ENTPD7: variants seen among roughly 807,000 people sequenced by gnomAD.
ENTPD7 encodes the protein ectonucleoside triphosphate diphosphohydrolase 7, also known as NTPDase 7.
A neutral mutation model predicts 77.9 loss-of-function variants in ENTPD7; 53 were observed. The ratio of observed to expected loss-of-function variants is 0.68; its 90% confidence interval spans 0.55 to 0.85. The LOEUF is 0.85. Ranked by LOEUF, ENTPD7 falls within the 40% of genes least tolerant of loss-of-function variation. ENTPD7 has a pLI of 0.00. For missense variants in ENTPD7, 636 were observed against 743.7 expected, an observed-to-expected ratio of 0.86 and a Z score of 1.68; for synonymous variants, 248 against 274.9, an observed-to-expected ratio of 0.90 and a Z score of 0.97.
chr10:99,663,159 G>C (rs2133436334), intron 3 of ENTPD7, among the ~76,000 whole-genome samples: 1 of 152,294 alleles, frequency 6.6e-6, no homozygotes, highest in South Asian at 2.1e-4. Flanking sequence ...AGTATGCGGT[G>C]ATAAATTCTT....
At position 99,710,527 on chromosome 10, in the gene ENTPD7, A is replaced by G; in HGVS notation, c.*5844A>G. 1.0e-6 allele frequency: 1 copy of G among 985,420 alleles called. No individual in the cohort carries two copies. The highest frequency in any genetic ancestry group is 1.1e-4 in the East Asian group (1 of 8,820). 61.0% of individuals were successfully genotyped at this position (985,420 alleles called of 1,614,324 possible). Reference sequence around the variant, plus strand: ...AAGACTCTGTTTTTTCTACTGCTTCACATTAAACAATAATTTTGTTGAATT... The same window carrying G: ...AAGACTCTGTTTTTTCTACTGCTTCGCATTAAACAATAATTTTGTTGAATT... On this transcript the variant is annotated 3_prime_UTR_variant, in exon 13 of 13. Transcript: ENST00000370489.
rs1590043614 is a variant in ENTPD7, at chr10:99,679,528, A to C, written c.397+62A>C. On this transcript the variant is annotated intron_variant, in intron 4 of 12. Coordinates refer to ENST00000370489, the MANE Select transcript of ENTPD7 (RefSeq NM_020354.5). ...TAAGGCATGAAAGAGGAGACAAAAG[A>C]AGCAGAAAGCAAGCTACCCCTTTCT... is the stretch of plus-strand genomic sequence containing the variant. 56 of 1,517,368 alleles carry C rather than the reference A, an allele frequency of 3.7e-5. No individual in the cohort carries two copies. The South Asian group carries it at 5.0e-4, about 14-fold the overall frequency. The allele number at this position is 1,517,368 out of a possible 1,614,324, so 94.0% of individuals were successfully genotyped here. A position where few individuals can be genotyped will look rare whatever the true frequency, so the allele number is the denominator to read the frequency against.
chr10:99,672,848 G>A (rs1042949751), intron 3 of ENTPD7, among the ~76,000 whole-genome samples: 3 of 152,108 alleles, frequency 2.0e-5, no homozygotes, highest in South Asian at 4.1e-4. Context: ...CATACTCATG[G>A]GGGCTACTTC....
intron 8 of ENTPD7, among the ~76,000 whole-genome samples, chr10:99,694,071 C>A (rs2035928591): frequency 6.6e-6 from 1 of 152,124 alleles, no homozygotes; most frequent in Non-Finnish European, 1.5e-5. Context: ...GTACAACTCA[C>A]AAAGTTATGT....
chr10:99,702,354 T>G (rs1245768358), intron 11 of ENTPD7, among the ~76,000 whole-genome samples, 158 bp from the exon 12 acceptor site: 1 of 152,166 alleles, frequency 6.6e-6, no homozygotes, highest in Non-Finnish European at 1.5e-5. Flanking sequence ...ACAAGATAAG[T>G]AGGCTGACTT....
At chr10:99,697,878 C>A (rs890432119) in intron 9 of ENTPD7, 2 of 153,600 alleles carry the variant, frequency 1.3e-5, no homozygotes, top group African/African-American at 4.8e-5. Context: ...TCATACTCAT[C>A]ATTTTGAGGA....
In ENTPD7 at chr10:99,692,997, G is replaced by A. The variant is rs114666393; in HGVS notation, c.843+1479G>A. Among the ~76,000 whole-genome samples the A allele has an allele frequency of 6.5e-3, 993 of 152,242 alleles. 15 individuals are homozygous for A. Among genetic ancestry groups the A allele is most frequent in the African/African-American group, 0.023 (949 of 41,526 alleles). ...GTAATAAAGGGCTGAGTTAGACAAAGTAAGTGGAAATGAAAGGGAGGGGAC... is the reference window on the plus strand; with the variant it reads ...GTAATAAAGGGCTGAGTTAGACAAAATAAGTGGAAATGAAAGGGAGGGGAC... On this transcript the variant is annotated intron_variant, in intron 8 of 12. Transcript: ENST00000370489.
chr10:99,709,493 A>C lies in ENTPD7; in HGVS notation c.*4810A>C. 5 of 985,114 alleles carry C rather than the reference A, an allele frequency of 5.1e-6. No individual in the cohort carries two copies. Among genetic ancestry groups the C allele is most frequent in the Non-Finnish European group, 6.0e-6 (5 of 829,618 alleles). 61.0% of individuals were successfully genotyped at this position (985,114 alleles called of 1,614,324 possible). A position where few individuals can be genotyped will look rare whatever the true frequency, so the allele number is the denominator to read the frequency against. On this transcript the variant is annotated 3_prime_UTR_variant, in exon 13 of 13. Transcript: ENST00000370489. Reference sequence around the variant, plus strand: ...AAAATATTGCTGTTAAAAAACTAAGACTCAAAACCAAAAGTTGTGATTAAT... The same window carrying C: ...AAAATATTGCTGTTAAAAAACTAAGCCTCAAAACCAAAAGTTGTGATTAAT...
chr10:99,661,241 T>C lies in ENTPD7; in HGVS notation c.9-205T>C, dbSNP rs2035482292. 2.0e-5 allele frequency among the ~76,000 whole-genome samples: 3 copies of C among 152,148 alleles called. No homozygotes were observed. In the South Asian group the frequency reaches 6.2e-4, roughly 32 times the overall value. Reference sequence around the variant, plus strand: ...TTTGAATTGCACTCAAAGTGCAGTTTGGAAAAAGGGCAGATAAGGCTTTTC... The same window carrying C: ...TTTGAATTGCACTCAAAGTGCAGTTCGGAAAAAGGGCAGATAAGGCTTTTC... On this transcript the variant is annotated intron_variant, in intron 2 of 12. Coordinates refer to ENST00000370489, the MANE Select transcript of ENTPD7 (RefSeq NM_020354.5).
At chr10:99,690,995 CTTTTT>C (rs575922825) in intron 7 of ENTPD7, among the ~76,000 whole-genome samples, 1 of 151,902 alleles carries the variant, frequency 6.6e-6, no homozygotes, top group South Asian at 2.1e-4. Flanking sequence ...TGTTTGCTTT[CTTTTT>C]TTTATTTTGA....
At chr10:99,686,532 G>A (rs1298591225) in intron 6 of ENTPD7, among the ~76,000 whole-genome samples, 1 of 152,072 alleles carries the variant, frequency 6.6e-6, no homozygotes, top group Non-Finnish European at 1.5e-5. Flanking sequence ...TAAAATTTCA[G>A]TATTGCATTT....
chr10:99,696,631 G>C (rs2035984924), intron 9 of ENTPD7, among the ~76,000 whole-genome samples: 1 of 152,124 alleles, frequency 6.6e-6, no homozygotes, highest in African/African-American at 2.4e-5. Flanking sequence ...TTTAGCATTG[G>C]ACAGATCACA....
At chr10:99,688,783 C>G in intron 7 of ENTPD7, 33 bp downstream of exon 7, 1 of 1,606,226 alleles carries the variant, frequency 6.2e-7, no homozygotes, top group Non-Finnish European at 8.5e-7. Context: ...GACAGTTTAC[C>G]TAAGGGCTGA....
At chr10:99,661,751 A>G (rs1281622212) in intron 3 of ENTPD7, 123 bp downstream of exon 3, 3 of 881,748 alleles carry the variant, frequency 3.4e-6, no homozygotes, top group Admixed American at 3.5e-5. Context: ...CATGCCATTT[A>G]TTACATAAAG....
At position 99,661,476 on chromosome 10, in the gene ENTPD7, C is replaced by G. The variant is rs148623178; in HGVS notation, c.39C>G (p.Ser13=). The G allele has an allele frequency of 1.7e-5, 27 of 1,609,574 alleles. No homozygotes were observed. The highest frequency in any genetic ancestry group is 2.3e-5 in the Non-Finnish European group (27 of 1,178,576). The change falls in exon 3 of 13, where the codon TCC becomes TCG. Residue 13 remains serine (S), a synonymous_variant. Coordinates refer to ENST00000370489, the MANE Select transcript of ENTPD7 (RefSeq NM_020354.5). ...RISFSYLCPA[S]WYFTVPTVSP... is the part of the protein sequence containing the mutation. Reference sequence around the variant, plus strand: ...GTTTTTCCTACCTCTGCCCAGCCTCCTGGTACTTCACTGTGCCCACAGTGA... The same window carrying G: ...GTTTTTCCTACCTCTGCCCAGCCTCGTGGTACTTCACTGTGCCCACAGTGA...
chr10:99,677,474 C>G lies in ENTPD7; in HGVS notation c.192-1787C>G, dbSNP rs1003719604. Among the ~76,000 whole-genome samples the G allele has an allele frequency of 2.7e-5, 4 of 150,280 alleles. No individual in the cohort carries two copies. The East Asian group carries it at 7.9e-4, about 30-fold the overall frequency. On this transcript the variant is annotated intron_variant, in intron 3 of 12. Transcript: ENST00000370489. ...CCGCCTCCCAGGTTCAAGCGATTCT[C>G]CTGCCTCAGCCTCCTGAGTAGCTGG...
intron 5 of ENTPD7, among the ~76,000 whole-genome samples, chr10:99,683,353 G>C (rs2133466083): frequency 6.6e-6 from 1 of 152,056 alleles, no homozygotes; most frequent in East Asian, 1.9e-4. Flanking sequence ...ATTAGCATTT[G>C]GTTTTATTTC....
chr10:99,692,793 AG>A (rs1193747149), intron 8 of ENTPD7, among the ~76,000 whole-genome samples: 2 of 152,156 alleles, frequency 1.3e-5, no homozygotes, highest in African/African-American at 4.8e-5. Context: ...AAAGTTTTTG[AG>A]TAAGGCAGTC....
chr10:99,681,746 A>G (rs1307474706), intron 5 of ENTPD7, among the ~76,000 whole-genome samples: 1 of 152,118 alleles, frequency 6.6e-6, no homozygotes, highest in African/African-American at 2.4e-5. Context: ...GTGTGAGGTG[A>G]TATGTCATCG....
Sources: gnomAD v4.1 joint callset for allele counts (sites outside exome capture counted in the v4.1 genomes callset) on GRCh38, gnomAD v4.1.1 for gene constraint, MANE v1.5 for transcripts, NCBI Gene and HGNC (gene_info 2026-07-23, HGNC 2026-07-21) for gene names.